KDM4C: variants seen among roughly 807,000 people sequenced by gnomAD.
The protein encoded by KDM4C is lysine demethylase 4C, also known as lysine-specific demethylase 4C.
A neutral mutation model predicts 129.3 loss-of-function variants in KDM4C; 81 were observed. The observed-to-expected ratio is 0.63, with a 90% CI of 0.52 to 0.75. The LOEUF (loss-of-function observed/expected upper bound fraction) is 0.75. Among genes scored for constraint, KDM4C ranks in the 30% least tolerant of loss-of-function variants. KDM4C has a pLI of 0.00. For missense variants in KDM4C, 1,457 were observed against 1,304.0 expected, an observed-to-expected ratio of 1.12 and a Z score of -1.81; for synonymous variants, 573 against 456.1, an observed-to-expected ratio of 1.26 and a Z score of -3.26.
intron 12 of KDM4C, among the ~76,000 whole-genome samples, chr9:7,008,401 C>T (rs528826017): frequency 4.6e-4 from 70 of 152,136 alleles, no homozygotes; most frequent in Non-Finnish European, 8.8e-4. Flanking sequence ...TCCAAGTCTG[C>T]CTCAACAGTA....
chr9:7,072,650 A>G (rs1050024119), intron 17 of KDM4C, among the ~76,000 whole-genome samples: 59 of 152,294 alleles, frequency 3.9e-4, no homozygotes, highest in Middle Eastern at 6.8e-3. Flanking sequence ...GGCACAAAGA[A>G]TTTTTGTGCT....
At chr9:6,964,241 C>A (rs955430069) in intron 8 of KDM4C, among the ~76,000 whole-genome samples, 3 of 144,116 alleles carry the variant, frequency 2.1e-5, no homozygotes, top group Non-Finnish European at 4.6e-5. Context: ...CCTCCCCCCT[C>A]CCCTGACCCC....
At chr9:6,811,339 G>A (rs1376526594) in intron 3 of KDM4C, among the ~76,000 whole-genome samples, 1 of 152,068 alleles carries the variant, frequency 6.6e-6, no homozygotes, top group Non-Finnish European at 1.5e-5. Context: ...TATTTTAATG[G>A]AGATGGGGTT....
chr9:6,959,614 T>G lies in KDM4C; in HGVS notation c.922-21311T>G, dbSNP rs149528143. ...TTGTATCTACTGTCATTCTATAGAT[T>G]TGTTTCAATTTAAGAGTTTATATTA... On this transcript the variant is annotated intron_variant, in intron 8 of 21. Coordinates refer to ENST00000381309, the MANE Select transcript of KDM4C (RefSeq NM_015061.6). Among the ~76,000 whole-genome samples, 821 of 152,294 alleles carry G rather than the reference T, an allele frequency of 5.4e-3. 7 individuals carry two copies. Among genetic ancestry groups the G allele is most frequent in the African/African-American group, 0.017 (716 of 41,548 alleles).
chr9:7,160,370 G>A (rs752899353), intron 19 of KDM4C, among the ~76,000 whole-genome samples: 2 of 152,098 alleles, frequency 1.3e-5, no homozygotes, highest in Admixed American at 6.5e-5. Context: ...GCTTTGTTCC[G>A]TTGCTGGCGA....
At chr9:7,170,326 A>G (rs1564205762) in intron 21 of KDM4C, 2 of 1,021,840 alleles carry the variant, frequency 2.0e-6, no homozygotes, top group South Asian at 3.8e-5. Flanking sequence ...TGGATTGACT[A>G]CCTTCTGTCT....
At chr9:6,972,045 T>TA (rs1301779705) in intron 8 of KDM4C, among the ~76,000 whole-genome samples, 1 of 151,936 alleles carries the variant, frequency 6.6e-6, no homozygotes, top group Admixed American at 6.6e-5. Context: ...AACTGAGAAC[T>TA]AAAAAAATAC....
chr9:6,909,982 T>C (rs1818985096), intron 8 of KDM4C, among the ~76,000 whole-genome samples: 1 of 152,186 alleles, frequency 6.6e-6, no homozygotes, highest in Non-Finnish European at 1.5e-5. Context: ...TTAATATCCT[T>C]AATAAGGTGC....
intron 16 of KDM4C, among the ~76,000 whole-genome samples, chr9:7,048,487 A>G (rs2132544779): frequency 6.6e-6 from 1 of 152,190 alleles, no homozygotes; most frequent in South Asian, 2.1e-4. Flanking sequence ...GAAAGTTGTC[A>G]TTTTTCAGAA....
intron 8 of KDM4C, among the ~76,000 whole-genome samples, chr9:6,903,639 T>C (rs565182898): frequency 2.6e-5 from 4 of 152,354 alleles, no homozygotes; most frequent in African/African-American, 9.6e-5. Context: ...TCCAATGATA[T>C]AGGAATCATT....
chr9:6,798,273 T>C (rs1432782772), intron 2 of KDM4C, among the ~76,000 whole-genome samples: 1 of 149,146 alleles, frequency 6.7e-6, no homozygotes, highest in Non-Finnish European at 1.5e-5. Flanking sequence ...TTTTTTTTAT[T>C]GATCATTCTT....
intron 2 of KDM4C, among the ~76,000 whole-genome samples, chr9:6,804,616 G>A (rs1294430004): frequency 6.6e-6 from 1 of 151,856 alleles, no homozygotes; most frequent in African/African-American, 2.4e-5. Flanking sequence ...AAATTAGCTG[G>A]GCGTGGTGGC....
rs138388124 is a variant in KDM4C at position 7,011,796 on chromosome 9, G to A, written c.1885G>A (p.Ala629Thr). 32 of 1,613,958 alleles carry A rather than the reference G, an allele frequency of 2.0e-5. No individual in the cohort carries two copies. Among genetic ancestry groups the A allele is most frequent in the African/African-American group, 9.3e-5 (7 of 74,884 alleles). The change falls in exon 13 of 22, where the codon GCA (alanine) becomes ACA (threonine). Residue 629 changes from alanine (A) to threonine (T), a missense_variant. Transcript: ENST00000381309. ...TTGGCAGACGAAGTCCCCTAACTTC[G>A]CAGCTGAGCAAGAGTATAATGCAAC... ...HLWQTKSPNF[A>T]AEQEYNATVA... is the part of the protein sequence containing the mutation.
intron 7 of KDM4C, among the ~76,000 whole-genome samples, chr9:6,889,363 A>T (rs947830140): frequency 1.3e-5 from 2 of 152,002 alleles, no homozygotes; most frequent in African/African-American, 4.8e-5. Flanking sequence ...GCAGTCACGC[A>T]CAAGATATGC....
intron 1 of KDM4C, chr9:6,723,733 C>T (rs968841066): frequency 6.6e-6 from 1 of 152,040 alleles, no homozygotes; most frequent in Admixed American, 6.6e-5. Flanking sequence ...GAAAGGACTG[C>T]ATGTTTCTGA....
At chr9:6,741,309 C>T (rs977150195) in intron 1 of KDM4C, among the ~76,000 whole-genome samples, 5 of 151,870 alleles carry the variant, frequency 3.3e-5, no homozygotes, top group East Asian at 2.0e-4. Flanking sequence ...GCAGCAGAAT[C>T]GCTTGAACTA....
At chr9:6,982,208 T>G (rs1816887597) in intron 9 of KDM4C, 1 of 142,954 alleles carries the variant, frequency 7.0e-6, no homozygotes, top group Non-Finnish European at 1.5e-5. Flanking sequence ...ATGATGCTTA[T>G]TTTCTGTCTT....
At chr9:7,134,498 T>A (rs893366069) in intron 19 of KDM4C, among the ~76,000 whole-genome samples, 2 of 152,226 alleles carry the variant, frequency 1.3e-5, no homozygotes, top group African/African-American at 4.8e-5. Context: ...TGATTATAAA[T>A]TTAATATATA....
At chr9:6,725,738 C>G (rs1360396533) in intron 1 of KDM4C, among the ~76,000 whole-genome samples, 1 of 120,814 alleles carries the variant, frequency 8.3e-6, no homozygotes, top group African/African-American at 3.2e-5. Flanking sequence ...GAGACAGAGT[C>G]TGGATCTGTT....
Sources: allele counts gnomAD v4.1 joint callset (sites outside exome capture counted in the v4.1 genomes callset), GRCh38; gene constraint gnomAD v4.1.1; transcripts MANE v1.5; gene names NCBI Gene and HGNC (gene_info 2026-07-23, HGNC 2026-07-21).